The following PITPNB variants were observed in gnomAD, a reference collection of about 807,000 sequenced individuals.
The protein encoded by PITPNB is phosphatidylinositol transfer protein beta isoform.
PITPNB carries 16 observed loss-of-function variants against 45.9 expected under a neutral mutation model. That is an observed-to-expected ratio of 0.35 (90% CI 0.24 to 0.53). PITPNB has a LOEUF of 0.53. PITPNB is among the 20% of genes least tolerant of loss of function. PITPNB has a pLI of 0.93. For missense variants in PITPNB, 188 were observed against 330.5 expected, an observed-to-expected ratio of 0.57 and a Z score of 3.34; for synonymous variants, 112 against 108.9, an observed-to-expected ratio of 1.03 and a Z score of -0.18.
chr22:27,906,908 G>A (rs1935778389), intron 3 of PITPNB, among the ~76,000 whole-genome samples: 1 of 152,164 alleles, frequency 6.6e-6, no homozygotes, highest in African/African-American at 2.4e-5. Context: ...CCTTCTGGTT[G>A]AGATTAAGTG....
chr22:27,876,563 C>T (rs1269041854), intron 7 of PITPNB, among the ~76,000 whole-genome samples: 1 of 152,118 alleles, frequency 6.6e-6, no homozygotes, highest in Non-Finnish European at 1.5e-5. Context: ...AATTAAGTTG[C>T]AAGATATTAA....
At chr22:27,883,479 G>C (rs925080224) in intron 7 of PITPNB, among the ~76,000 whole-genome samples, 4 of 152,238 alleles carry the variant, frequency 2.6e-5, no homozygotes, top group Non-Finnish European at 5.9e-5. Context: ...ATGTATACTA[G>C]AATGCAGCTT....
intron 6 of PITPNB, among the ~76,000 whole-genome samples, chr22:27,895,546 C>T (rs1360615099): frequency 6.6e-6 from 1 of 151,352 alleles, no homozygotes. Flanking sequence ...GCAGACAGCA[C>T]GTGATTGCAC....
intron 1 of PITPNB, among the ~76,000 whole-genome samples, chr22:27,918,833 G>A (rs1280923428): frequency 6.6e-6 from 1 of 152,168 alleles, no homozygotes; most frequent in African/African-American, 2.4e-5. Flanking sequence ...CGGCGGGCCT[G>A]GGGGTGGGCC....
At chr22:27,864,952 A>G (rs945085768) in intron 8 of PITPNB, among the ~76,000 whole-genome samples, 3 of 152,128 alleles carry the variant, frequency 2.0e-5, no homozygotes, top group African/African-American at 7.2e-5. Flanking sequence ...CTCTCAAAAA[A>G]AAGAAAAAAA....
chr22:27,885,212 T>TAAAAAAAAAAAAAAAAAAAAA lies in PITPNB; in HGVS notation c.456+9322_456+9342dup, dbSNP rs71194746. On this transcript the variant is annotated intron_variant, in intron 7 of 11. Coordinates refer to ENST00000335272, the MANE Select transcript of PITPNB (RefSeq NM_012399.5). ...AAAGAGCCAGATTCAAATTTATACC[T>TAAAAAAAAAAAAAAAAAAAAA]AAAAAAAAAAAAAAAAAAAAAAAAA... Among the ~76,000 whole-genome samples, 12 of 30,234 alleles carry TAAAAAAAAAAAAAAAAAAAAA rather than the reference T, an allele frequency of 4.0e-4. 3 individuals carry two copies. The highest frequency in any genetic ancestry group is 8.8e-4 in the Admixed American group (2 of 2,278). 19.8% of individuals were successfully genotyped at this position (30,234 alleles called of 152,430 possible).
chr22:27,883,574 G>A (rs1935033998), intron 7 of PITPNB, among the ~76,000 whole-genome samples: 1 of 152,256 alleles, frequency 6.6e-6, no homozygotes, highest in Non-Finnish European at 1.5e-5. Flanking sequence ...CAGGGAAGGG[G>A]CAACAAATTT....
chr22:27,869,688 C>T (rs1284164097), intron 8 of PITPNB, among the ~76,000 whole-genome samples: 2 of 152,084 alleles, frequency 1.3e-5, no homozygotes, highest in Non-Finnish European at 2.9e-5. Context: ...CTCAGCAACC[C>T]CAAGAGACGA....
At chr22:27,908,451 T>C (rs1935826872) in intron 3 of PITPNB, among the ~76,000 whole-genome samples, 1 of 151,810 alleles carries the variant, frequency 6.6e-6, no homozygotes, top group African/African-American at 2.4e-5. Context: ...ATTCCAACTC[T>C]TAGATTTCAA....
In PITPNB at chr22:27,852,384, T is replaced by G. The variant is rs1247571022; in HGVS notation, c.*1318A>C. ...AGAGAAAGCTGATAAAAATCTTACC[T>G]AGCTATTGTTCCTTCCTTTAAATAA... On this transcript the variant is annotated 3_prime_UTR_variant, in exon 12 of 12. Transcript: ENST00000335272. The G allele has an allele frequency of 6.6e-6, 1 of 152,146 alleles. No homozygotes were observed. Among genetic ancestry groups the G allele is most frequent in the East Asian group, 1.9e-4 (1 of 5,196 alleles). The allele number at this position is 152,146 out of a possible 1,614,324, so 9.4% of individuals were successfully genotyped here. A position where few individuals can be genotyped will look rare whatever the true frequency, so the allele number is the denominator to read the frequency against.
At chr22:27,862,655 G>A (rs757545003) in intron 8 of PITPNB, among the ~76,000 whole-genome samples, 1 of 152,122 alleles carries the variant, frequency 6.6e-6, no homozygotes, top group Non-Finnish European at 1.5e-5. Context: ...GTATGTGTAT[G>A]TGTATATGTA....
intron 7 of PITPNB, among the ~76,000 whole-genome samples, chr22:27,890,878 A>G (rs562180028): frequency 6.6e-6 from 1 of 152,350 alleles, no homozygotes; most frequent in African/African-American, 2.4e-5. Flanking sequence ...CATACACTGG[A>G]ATATTATTCA....
chr22:27,866,931 G>A (rs949488168), intron 8 of PITPNB, among the ~76,000 whole-genome samples: 8 of 152,106 alleles, frequency 5.3e-5, no homozygotes, highest in Middle Eastern at 3.2e-3. Context: ...TATATGTGAC[G>A]TCTATGTACT....
At chr22:27,862,382 G>A (rs753790454) in intron 8 of PITPNB, among the ~76,000 whole-genome samples, 1 of 152,046 alleles carries the variant, frequency 6.6e-6, no homozygotes, top group African/African-American at 2.4e-5. Context: ...TTATTAATGC[G>A]ACTGAATGTT....
At position 27,869,618 on chromosome 22, in the gene PITPNB, A is replaced by ACT. The variant is rs149851622; in HGVS notation, c.534+4118_534+4119dup. The stretch of plus-strand genomic sequence containing the variant: ...GGGAACACATTCTAGAATGAGGGGA[A>ACT]CTCTGAATACTAGACAGATAAGAAT... On this transcript the variant is annotated intron_variant, in intron 8 of 11. Transcript: ENST00000335272. Among the ~76,000 whole-genome samples, 1,035 of 152,260 alleles carry ACT rather than the reference A, an allele frequency of 6.8e-3. 7 individuals carry two copies. Among genetic ancestry groups the ACT allele is most frequent in the African/African-American group, 0.023 (940 of 41,538 alleles).
chr22:27,914,423 C>A, intron 1 of PITPNB, 76 bp from the exon 2 acceptor site: 1 of 857,972 alleles, frequency 1.2e-6, no homozygotes, highest in South Asian at 1.6e-5. Flanking sequence ...GAGGTTTTAC[C>A]TTAAATCCAA....
rs958353780 is a variant in PITPNB, at chr22:27,915,475, T to C, written c.21-1128A>G. ...GATTATATCTAGTTTGCATTCCAGC[T>C]ACACTTTCCATCTACTCCTTTCTCC... On this transcript the variant is annotated intron_variant, in intron 1 of 11. Transcript: ENST00000335272. Among the ~76,000 whole-genome samples, 3 of 152,158 alleles carry C rather than the reference T, an allele frequency of 2.0e-5. No individual in the cohort carries two copies. In the East Asian group the frequency reaches 5.8e-4, roughly 29 times the overall value.
intron 3 of PITPNB, among the ~76,000 whole-genome samples, chr22:27,907,752 G>A (rs1388211812): frequency 1.3e-5 from 2 of 152,164 alleles, no homozygotes; most frequent in African/African-American, 4.8e-5. Context: ...TGATGTGGGT[G>A]TGGGATTTGA....
rs1193678600 is a variant in PITPNB, at chr22:27,852,989, C to T, written c.*713G>A. The T allele has an allele frequency of 6.6e-6, 1 of 152,466 alleles. No individual in the cohort carries two copies. Among genetic ancestry groups the T allele is most frequent in the African/African-American group, 2.4e-5 (1 of 41,400 alleles). 9.4% of individuals were successfully genotyped at this position (152,466 alleles called of 1,614,324 possible). ...TTTTAAAAGGATTTTTCCCTCAGGG[C>T]AAACAAGTAAAAACTGGCCTGTAAC... On this transcript the variant is annotated 3_prime_UTR_variant, in exon 12 of 12. Coordinates refer to ENST00000335272, the MANE Select transcript of PITPNB (RefSeq NM_012399.5).
Sources: allele counts gnomAD v4.1 joint callset (sites outside exome capture counted in the v4.1 genomes callset), GRCh38; gene constraint gnomAD v4.1.1; transcripts MANE v1.5; gene names NCBI Gene and HGNC (gene_info 2026-07-23, HGNC 2026-07-21).